The following SLC24A2 variants were observed in gnomAD, a reference collection of about 807,000 sequenced individuals.
SLC24A2 encodes the protein sodium/potassium/calcium exchanger 2.
SLC24A2 carries 36 observed loss-of-function variants against 62.0 expected under a neutral mutation model. The observed-to-expected ratio is 0.58, with a 90% CI of 0.44 to 0.77. SLC24A2 has a LOEUF of 0.77. SLC24A2 is among the 30% of genes least tolerant of loss of function. SLC24A2 has a pLI of 0.00. For missense variants in SLC24A2, 846 were observed against 817.9 expected, an observed-to-expected ratio of 1.03 and a Z score of -0.42; for synonymous variants, 358 against 294.0, an observed-to-expected ratio of 1.22 and a Z score of -2.23.
intron 8 of SLC24A2, among the ~76,000 whole-genome samples, chr9:19,532,211 G>A (rs565574207): frequency 1.3e-5 from 2 of 152,190 alleles, no homozygotes; most frequent in South Asian, 2.1e-4. Flanking sequence ...GCCTCCTGAG[G>A]TAGGGTTTAC....
the SLC24A2 span, among the ~76,000 whole-genome samples, chr9:19,941,658 T>C: frequency 6.6e-6 from 1 of 151,744 alleles, no homozygotes; most frequent in Admixed American, 6.6e-5. Context: ...TCTAAACACA[T>C]GTGGGCTAAA....
chr9:19,698,720 G>T (rs1376439494), intron 2 of SLC24A2, among the ~76,000 whole-genome samples: 2 of 152,126 alleles, frequency 1.3e-5, no homozygotes, highest in East Asian at 1.9e-4. Flanking sequence ...GGTGGGAAGG[G>T]ATCACAAATC....
At chr9:20,218,453 C>T in the SLC24A2 span, among the ~76,000 whole-genome samples, 2 of 152,110 alleles carry the variant, frequency 1.3e-5, no homozygotes, top group Non-Finnish European at 2.9e-5. Flanking sequence ...CGTGTGTCTG[C>T]TTGTGTCGGA....
At chr9:19,796,133 A>T in the SLC24A2 span, among the ~76,000 whole-genome samples, 6 of 71,124 alleles carry the variant, frequency 8.4e-5, no homozygotes, top group African/African-American at 1.9e-4. Context: ...GGGTGGGGGG[A>T]GGGGGGAGGG....
At chr9:20,042,051 C>T in the SLC24A2 span, among the ~76,000 whole-genome samples, 6 of 152,214 alleles carry the variant, frequency 3.9e-5, no homozygotes, top group Non-Finnish European at 7.3e-5. Context: ...TGTGGTGGGA[C>T]ATTTGCCTGG....
intron 5 of SLC24A2, 96 bp from the exon 6 acceptor site, chr9:19,577,118 A>C: frequency 2.2e-6 from 2 of 919,056 alleles, no homozygotes; most frequent in Non-Finnish European, 1.8e-6. Flanking sequence ...ACGCTGCACT[A>C]ATAGCGTGAC....
intron 2 of SLC24A2, among the ~76,000 whole-genome samples, chr9:19,636,424 T>TTA: frequency 5.9e-5 from 1 of 17,086 alleles, no homozygotes; most frequent in Admixed American, 9.1e-4. Context: ...TCTTTCCTCT[T>TTA]CTCTTCTCTT....
At chr9:20,179,706 G>C in the SLC24A2 span, among the ~76,000 whole-genome samples, 1,237 of 152,226 alleles carry the variant, frequency 8.1e-3, 13 homozygotes, top group South Asian at 0.025. Flanking sequence ...CATTTAAATT[G>C]ACTAGAAAAA....
intron 2 of SLC24A2, among the ~76,000 whole-genome samples, chr9:19,690,373 G>A (rs1457471833): frequency 1.3e-5 from 2 of 152,118 alleles, no homozygotes; most frequent in Non-Finnish European, 2.9e-5. Flanking sequence ...CCTCTGGGCT[G>A]TAGGGCTTGC....
At chr9:20,256,865 A>G in the SLC24A2 span, among the ~76,000 whole-genome samples, 1 of 152,014 alleles carries the variant, frequency 6.6e-6, no homozygotes, top group Non-Finnish European at 1.5e-5. Flanking sequence ...AATAGTCCCC[A>G]AGGGTAGAAA....
intron 2 of SLC24A2, among the ~76,000 whole-genome samples, chr9:19,644,039 C>T (rs1439226466): frequency 6.6e-6 from 1 of 152,186 alleles, no homozygotes. Context: ...GCATCTGACA[C>T]ATTTCACAAC....
chr9:19,551,410 G>C (rs1834840327), intron 7 of SLC24A2, among the ~76,000 whole-genome samples: 1 of 152,154 alleles, frequency 6.6e-6, no homozygotes, highest in African/African-American at 2.4e-5. Flanking sequence ...TGGAGGGGGA[G>C]GGTCTGGGCC....
chr9:20,023,157 T>C, the SLC24A2 span, among the ~76,000 whole-genome samples: 1 of 152,214 alleles, frequency 6.6e-6, no homozygotes, highest in African/African-American at 2.4e-5. Flanking sequence ...ATATCCAATA[T>C]ATATTTTCAT....
the SLC24A2 span, among the ~76,000 whole-genome samples, chr9:20,145,286 C>G: frequency 6.6e-6 from 1 of 151,904 alleles, no homozygotes; most frequent in African/African-American, 2.4e-5. Flanking sequence ...TGAAAGCAAG[C>G]CTTATGGTCT....
chr9:19,889,159 A>T, the SLC24A2 span, among the ~76,000 whole-genome samples: 1 of 152,188 alleles, frequency 6.6e-6, no homozygotes, highest in Non-Finnish European at 1.5e-5. Flanking sequence ...ATCTCTGCAC[A>T]AAGTTCTCCT....
the SLC24A2 span, among the ~76,000 whole-genome samples, chr9:20,197,609 T>G: frequency 6.6e-6 from 1 of 151,954 alleles, no homozygotes; most frequent in African/African-American, 2.4e-5. Context: ...TTTTTGTATT[T>G]TTTAGAGAGA....
At chr9:19,941,716 T>A in the SLC24A2 span, among the ~76,000 whole-genome samples, 1 of 152,122 alleles carries the variant, frequency 6.6e-6, no homozygotes, top group African/African-American at 2.4e-5. Context: ...TAGAAGCACA[T>A]GACAAATAAC....
the SLC24A2 span, among the ~76,000 whole-genome samples, chr9:19,958,825 C>T: frequency 6.6e-6 from 1 of 152,196 alleles, no homozygotes; most frequent in African/African-American, 2.4e-5. Context: ...GCAAAAATTA[C>T]TGTTTGTGAC....
the SLC24A2 span, among the ~76,000 whole-genome samples, chr9:19,938,995 A>G: frequency 1.3e-5 from 2 of 152,246 alleles, no homozygotes; most frequent in African/African-American, 4.8e-5. Flanking sequence ...GGAGAATGGA[A>G]AAACTCATAA....
Sources: allele counts gnomAD v4.1 joint callset (sites outside exome capture counted in the v4.1 genomes callset), GRCh38; gene constraint gnomAD v4.1.1; transcripts MANE v1.5; gene names NCBI Gene and HGNC (gene_info 2026-07-23, HGNC 2026-07-21).